ATP2B2: variants seen among roughly 807,000 people sequenced by gnomAD.
The protein encoded by ATP2B2 is ATPase plasma membrane Ca2+ transporting 2.
A neutral mutation model predicts 120.0 loss-of-function variants in ATP2B2; 15 were observed. That is an observed-to-expected ratio of 0.12 (90% CI 0.08 to 0.19). The LOEUF (loss-of-function observed/expected upper bound fraction) is 0.19. Ranked by LOEUF, ATP2B2 falls within the 10% of genes least tolerant of loss-of-function variation. The probability of loss-of-function intolerance (pLI) is 1.00; values close to 1 mark genes in which losing one functional copy is unlikely to be tolerated. For missense variants in ATP2B2, 1,045 were observed against 1,719.8 expected, an observed-to-expected ratio of 0.61 and a Z score of 6.94; for synonymous variants, 694 against 700.3, an observed-to-expected ratio of 0.99 and a Z score of 0.14.
At chr3:10,452,246 G>A (rs2064082725) in intron 1 of ATP2B2, among the ~76,000 whole-genome samples, 1 of 152,258 alleles carries the variant, frequency 6.6e-6, no homozygotes, top group African/African-American at 2.4e-5. Flanking sequence ...GGGCCTGGCA[G>A]GGGCCTGGTC....
At chr3:10,436,057 G>T (rs1419782589) in intron 2 of ATP2B2, among the ~76,000 whole-genome samples, 1 of 152,166 alleles carries the variant, frequency 6.6e-6, no homozygotes, top group Non-Finnish European at 1.5e-5. Context: ...ATGTGATCAA[G>T]CTAGGCCAAT....
chr3:10,471,009 C>T (rs1451117935), intron 1 of ATP2B2, among the ~76,000 whole-genome samples: 2 of 152,204 alleles, frequency 1.3e-5, no homozygotes, highest in African/African-American at 2.4e-5. Flanking sequence ...CCTGGGGGGC[C>T]CTGCGGCAGC....
intron 1 of ATP2B2, among the ~76,000 whole-genome samples, chr3:10,659,096 A>T (rs1052047829): frequency 6.6e-6 from 1 of 152,214 alleles, no homozygotes; most frequent in African/African-American, 2.4e-5. Flanking sequence ...TGAAGGAAGG[A>T]CTAAACATGG....
chr3:10,531,412 C>G (rs1269914006), intron 3 of ATP2B2, among the ~76,000 whole-genome samples: 1 of 152,170 alleles, frequency 6.6e-6, no homozygotes, highest in Non-Finnish European at 1.5e-5. Flanking sequence ...GGTTCAAATC[C>G]CAACTCGGGT....
At chr3:10,332,298 C>T (rs1005659321) in intron 22 of ATP2B2, 9 of 460,384 alleles carry the variant, frequency 2.0e-5, no homozygotes, top group East Asian at 1.3e-4. Flanking sequence ...CAAGGTACGG[C>T]GTCCAGAATG....
intron 3 of ATP2B2, among the ~76,000 whole-genome samples, chr3:10,405,209 A>C (rs1575135619): frequency 6.6e-6 from 1 of 152,082 alleles, no homozygotes. Flanking sequence ...TCCCCTTTTC[A>C]TGAGCTTTTT....
At chr3:10,397,745 G>A (rs933513858) in intron 5 of ATP2B2, among the ~76,000 whole-genome samples, 2 of 152,126 alleles carry the variant, frequency 1.3e-5, no homozygotes, top group Non-Finnish European at 2.9e-5. Context: ...TGGGAGGGGC[G>A]CTGAATGCGG....
intron 1 of ATP2B2, among the ~76,000 whole-genome samples, chr3:10,479,803 A>C (rs2065339078): frequency 1.3e-5 from 2 of 152,196 alleles, no homozygotes; most frequent in African/African-American, 4.8e-5. Context: ...TTGAATAAAA[A>C]GCCTAATTCT....
At chr3:10,475,722 G>A (rs551470663) in intron 1 of ATP2B2, among the ~76,000 whole-genome samples, 2 of 152,308 alleles carry the variant, frequency 1.3e-5, no homozygotes, top group Non-Finnish European at 2.9e-5. Flanking sequence ...AGGCTCAGAG[G>A]ACAGAGCCAG....
intron 3 of ATP2B2, among the ~76,000 whole-genome samples, chr3:10,522,679 G>T (rs749397685): frequency 6.6e-6 from 1 of 152,230 alleles, no homozygotes; most frequent in African/African-American, 2.4e-5. Context: ...CCATCCGTTT[G>T]TCTGGGATCT....
At chr3:10,651,860 G>T (rs2070476907) in intron 1 of ATP2B2, among the ~76,000 whole-genome samples, 1 of 152,212 alleles carries the variant, frequency 6.6e-6, no homozygotes, top group Non-Finnish European at 1.5e-5. Flanking sequence ...TGTCCATTGT[G>T]AGATGCAGTT....
chr3:10,443,483 T>TGGGGC (rs1352656636), intron 2 of ATP2B2, among the ~76,000 whole-genome samples: 1 of 152,156 alleles, frequency 6.6e-6, no homozygotes, highest in African/African-American at 2.4e-5. Flanking sequence ...GGATTTTTAA[T>TGGGGC]GGGGCGGGGC....
At chr3:10,371,470 A>G (rs547231091) in intron 12 of ATP2B2, among the ~76,000 whole-genome samples, 6 of 152,360 alleles carry the variant, frequency 3.9e-5, no homozygotes, top group Admixed American at 3.9e-4. Context: ...TTTGAGTGAA[A>G]TACACAGGTT....
At chr3:10,587,765 TTG>T (rs775506757) in intron 2 of ATP2B2, among the ~76,000 whole-genome samples, 3 of 152,236 alleles carry the variant, frequency 2.0e-5, no homozygotes, top group Non-Finnish European at 2.9e-5. Flanking sequence ...GTTTGTTTGT[TTG>T]TTTGTTTGTT....
chr3:10,479,413 C>T (rs1255210410), intron 1 of ATP2B2, among the ~76,000 whole-genome samples: 5 of 151,874 alleles, frequency 3.3e-5, no homozygotes, highest in Non-Finnish European at 7.4e-5. Context: ...TAAACTCCTA[C>T]TCTTCCTCCT....
At chr3:10,425,416 C>G (rs958647531) in intron 2 of ATP2B2, among the ~76,000 whole-genome samples, 8 of 152,166 alleles carry the variant, frequency 5.3e-5, no homozygotes, top group African/African-American at 1.9e-4. Context: ...TCCATATAAC[C>G]TTTGGATGAA....
chr3:10,574,482 A>T (rs2068198670), intron 2 of ATP2B2, among the ~76,000 whole-genome samples: 1 of 152,202 alleles, frequency 6.6e-6, no homozygotes, highest in South Asian at 2.1e-4. Flanking sequence ...GGCAAGGGGC[A>T]TTCTCCATAT....
intron 1 of ATP2B2, among the ~76,000 whole-genome samples, chr3:10,663,974 A>C (rs2070857762): frequency 6.6e-6 from 1 of 152,120 alleles, no homozygotes; most frequent in Non-Finnish European, 1.5e-5. Flanking sequence ...AATGATGCCA[A>C]CTAACCCCAA....
At chr3:10,697,196 C>G (rs1413119404) in intron 1 of ATP2B2, among the ~76,000 whole-genome samples, 1 of 152,124 alleles carries the variant, frequency 6.6e-6, no homozygotes, top group Non-Finnish European at 1.5e-5. Flanking sequence ...CACGCCTTTC[C>G]TAGGCCTTCT....
Sources: gnomAD v4.1 joint callset for allele counts (sites outside exome capture counted in the v4.1 genomes callset) on GRCh38, gnomAD v4.1.1 for gene constraint, MANE v1.5 for transcripts, NCBI Gene and HGNC (gene_info 2026-07-23, HGNC 2026-07-21) for gene names.